NBAS: variants seen among roughly 807,000 people sequenced by gnomAD.
The protein encoded by NBAS is NBAS subunit of NRZ tethering complex.
NBAS carries 219 observed loss-of-function variants against 302.5 expected under a neutral mutation model. The ratio of observed to expected loss-of-function variants is 0.72; its 90% CI spans 0.65 to 0.81. NBAS has a LOEUF of 0.81. Ranked by LOEUF, NBAS falls within the 30% of genes least tolerant of loss-of-function variation. NBAS has a pLI of 0.00. For missense variants in NBAS, 2,932 were observed against 2,841.6 expected, an observed-to-expected ratio of 1.03 and a Z score of -0.72; for synonymous variants, 1,118 against 1,021.6, an observed-to-expected ratio of 1.09 and a Z score of -1.80.
rs1286741624 is a variant in NBAS, at chr2:15,442,525, C to G, written c.2340-14731G>C. Reference sequence around the variant, plus strand: ...GCAGTGTGTAGTGGGAAATTTATAGCACTAAATGCCCACAAGAGAAAGCAG... The same window carrying G: ...GCAGTGTGTAGTGGGAAATTTATAGGACTAAATGCCCACAAGAGAAAGCAG... On this transcript the variant is annotated intron_variant, in intron 21 of 51. Coordinates refer to ENST00000281513, the MANE Select transcript of NBAS (RefSeq NM_015909.4). Among the ~76,000 whole-genome samples, 3 of 152,090 alleles carry G rather than the reference C, an allele frequency of 2.0e-5. No individual in the cohort carries two copies. In the East Asian group the frequency reaches 5.8e-4, roughly 30 times the overall value.
chr2:15,285,626 T>A (rs1388171272), intron 42 of NBAS, among the ~76,000 whole-genome samples: 1 of 152,194 alleles, frequency 6.6e-6, no homozygotes, highest in African/African-American at 2.4e-5. Context: ...TGTTTCAGTA[T>A]GGATAACTTC....
chr2:14,894,500 A>T, the NBAS span, among the ~76,000 whole-genome samples: 2 of 152,120 alleles, frequency 1.3e-5, no homozygotes, highest in African/African-American at 4.8e-5. Context: ...TAGCCATGCA[A>T]ATGAAAGAAA....
At chr2:15,240,949 T>C (rs1667840941) in intron 44 of NBAS, among the ~76,000 whole-genome samples, 1 of 152,066 alleles carries the variant, frequency 6.6e-6, no homozygotes, top group Non-Finnish European at 1.5e-5. Context: ...TACATGTAGA[T>C]GAAGAGACTG....
chr2:15,129,079 A>AG, the NBAS span, among the ~76,000 whole-genome samples: 1 of 152,228 alleles, frequency 6.6e-6, no homozygotes, highest in Non-Finnish European at 1.5e-5. Flanking sequence ...GCACAGCCGC[A>AG]GCTCTCCGGC....
intron 25 of NBAS, among the ~76,000 whole-genome samples, chr2:15,403,653 G>T (rs374606166): frequency 6.6e-6 from 1 of 152,000 alleles, no homozygotes; most frequent in Non-Finnish European, 1.5e-5. Flanking sequence ...GTAGCCTGGC[G>T]GCAGGAGGGC....
intron 48 of NBAS, among the ~76,000 whole-genome samples, chr2:15,207,077 C>T (rs922491648): frequency 4.6e-5 from 7 of 152,194 alleles, no homozygotes; most frequent in African/African-American, 1.7e-4. Flanking sequence ...AGGCAATCAA[C>T]GCCAGCCTGA....
downstream of NBAS, among the ~76,000 whole-genome samples, chr2:15,166,488 G>T (rs1274114960): frequency 6.6e-6 from 1 of 152,136 alleles, no homozygotes; most frequent in Non-Finnish European, 1.5e-5. Context: ...TTCAGCTCCG[G>T]CTGTGTATCT....
At chr2:15,419,226 A>G (rs1265760732) in intron 23 of NBAS, among the ~76,000 whole-genome samples, 4 of 152,242 alleles carry the variant, frequency 2.6e-5, no homozygotes, top group Non-Finnish European at 5.9e-5. Context: ...ATAATTAAGC[A>G]GACAGAATTT....
chr2:15,048,432 C>A, the NBAS span, among the ~76,000 whole-genome samples: 5 of 152,230 alleles, frequency 3.3e-5, no homozygotes, highest in African/African-American at 4.8e-5. Flanking sequence ...GGCCTCCTCT[C>A]CAAGGATTGA....
the NBAS span, among the ~76,000 whole-genome samples, chr2:15,077,078 G>T: frequency 6.6e-6 from 1 of 152,142 alleles, no homozygotes; most frequent in African/African-American, 2.4e-5. Flanking sequence ...CTGAGACTGG[G>T]TCATTTTTAA....
At chr2:15,002,113 G>C in the NBAS span, among the ~76,000 whole-genome samples, 56,600 of 151,550 alleles carry the variant, frequency 0.37, 11,286 homozygotes, top group Non-Finnish European at 0.42. Context: ...ACAGAGTGTC[G>C]ACACAAAGGT....
chr2:15,259,490 C>A (rs1336376340), intron 44 of NBAS, among the ~76,000 whole-genome samples: 1 of 152,244 alleles, frequency 6.6e-6, no homozygotes, highest in Non-Finnish European at 1.5e-5. Flanking sequence ...GGCTCCTCAA[C>A]CCCTCTTTAC....
intron 21 of NBAS, among the ~76,000 whole-genome samples, chr2:15,444,548 C>A (rs373769861): frequency 0.016 from 2,344 of 151,000 alleles, 45 homozygotes; most frequent in African/African-American, 0.042. Flanking sequence ...AACCATAAAA[C>A]CCCTAGAAGA....
chr2:15,422,876 C>T (rs781110667), intron 23 of NBAS, among the ~76,000 whole-genome samples: 1 of 152,100 alleles, frequency 6.6e-6, no homozygotes, highest in Non-Finnish European at 1.5e-5. Flanking sequence ...ACTAGGAAAC[C>T]GCAAAAGGCT....
the NBAS span, among the ~76,000 whole-genome samples, chr2:15,123,940 G>A: frequency 1.8e-4 from 27 of 152,228 alleles, no homozygotes; most frequent in African/African-American, 6.5e-4. Context: ...GTAATGGGCA[G>A]AGGCTAGAAG....
At chr2:15,040,377 A>T in the NBAS span, among the ~76,000 whole-genome samples, 1 of 152,166 alleles carries the variant, frequency 6.6e-6, no homozygotes, top group Non-Finnish European at 1.5e-5. Flanking sequence ...TTACCGCAAG[A>T]TTGTTGGTTT....
the NBAS span, among the ~76,000 whole-genome samples, chr2:15,013,011 C>G: frequency 6.6e-6 from 1 of 152,328 alleles, no homozygotes; most frequent in Admixed American, 6.5e-5. Flanking sequence ...GCATCCGCCA[C>G]CATGCCCAGC....
rs537310943 is a variant in NBAS at position 15,360,374 on chromosome 2, G to A, written c.3818-3958C>T. ...AAACAAAACAGAATCTCACTGTGTC[G>A]CCTAGGCTGGAGTGTAATGGCATGA... On this transcript the variant is annotated intron_variant, in intron 32 of 51. Transcript: ENST00000281513. Among the ~76,000 whole-genome samples, 31 of 147,068 alleles carry A rather than the reference G, an allele frequency of 2.1e-4. No homozygotes were observed. In the South Asian group the frequency reaches 5.4e-3, roughly 26 times the overall value.
At position 15,438,728 on chromosome 2, in the gene NBAS, G is replaced by C. The variant is rs1014519971; in HGVS notation, c.2340-10934C>G. Among the ~76,000 whole-genome samples the C allele has an allele frequency of 3.2e-4, 49 of 152,194 alleles. 2 individuals are homozygous for C. Among genetic ancestry groups the C allele is most frequent in the Non-Finnish European group, 1.5e-5 (1 of 68,038 alleles). On this transcript the variant is annotated intron_variant, in intron 21 of 51. Transcript: ENST00000281513. ...GAAAGTCAGAGAGCCAGAGTAGCTA[G>C]AATTTACAGACAATGGATCAGAGAA...
Sources: gnomAD v4.1 joint callset for allele counts (sites outside exome capture counted in the v4.1 genomes callset) on GRCh38, gnomAD v4.1.1 for gene constraint, MANE v1.5 for transcripts, NCBI Gene and HGNC (gene_info 2026-07-23, HGNC 2026-07-21) for gene names.